The following ADARB2 variants were observed in gnomAD, a reference collection of about 807,000 sequenced individuals.
The protein encoded by ADARB2 is adenosine deaminase RNA specific B2 (inactive).
In ADARB2, 25 loss-of-function variants were observed where a neutral mutation model predicts 62.2. The ratio of observed to expected loss-of-function variants is 0.40; its 90% CI spans 0.29 to 0.56. ADARB2 has a LOEUF of 0.56. ADARB2 is among the 20% of genes least tolerant of loss of function. The probability of loss-of-function intolerance (pLI) is 0.43; values close to 1 mark genes in which losing one functional copy is unlikely to be tolerated. For missense variants in ADARB2, 1,071 were observed against 1,077.4 expected (o/e 0.99, Z 0.08); for synonymous variants, 572 against 500.8 (o/e 1.14, Z -1.90).
At chr10:1,373,183 G>C (rs2131856165) in intron 2 of ADARB2, among the ~76,000 whole-genome samples, 1 of 152,184 alleles carries the variant, frequency 6.6e-6, no homozygotes, top group East Asian at 1.9e-4. Context: ...TGACAAAGCA[G>C]TCTTGAGAAA....
intron 8 of ADARB2, among the ~76,000 whole-genome samples, chr10:1,188,899 C>G (rs1369492146): frequency 6.6e-6 from 1 of 152,262 alleles, no homozygotes; most frequent in Non-Finnish European, 1.5e-5. Context: ...GCTGCTTGCT[C>G]TGAGGAACCA....
chr10:1,636,161 C>T (rs1447880502), intron 1 of ADARB2, among the ~76,000 whole-genome samples: 1 of 151,968 alleles, frequency 6.6e-6, no homozygotes, highest in Admixed American at 6.6e-5. Context: ...GAGGGGGGTG[C>T]AAGACATAAA....
intron 1 of ADARB2, among the ~76,000 whole-genome samples, chr10:1,632,259 C>T (rs992837562): frequency 6.6e-6 from 1 of 152,196 alleles, no homozygotes; most frequent in Non-Finnish European, 1.5e-5. Context: ...ATGCCACATG[C>T]ATGCATACAC....
intron 1 of ADARB2, among the ~76,000 whole-genome samples, chr10:1,504,624 C>T (rs542100237): frequency 3.3e-5 from 5 of 152,312 alleles, no homozygotes; most frequent in African/African-American, 1.2e-4. Flanking sequence ...TGGCTGACTA[C>T]ACGGGTCAGT....
At chr10:1,711,112 G>A (rs997843245) in intron 1 of ADARB2, among the ~76,000 whole-genome samples, 6 of 152,152 alleles carry the variant, frequency 3.9e-5, no homozygotes, top group South Asian at 2.1e-4. Flanking sequence ...CCAGGGACAC[G>A]GGTACCTAAC....
chr10:1,340,729 CAATAACCA>C (rs1832016903), intron 3 of ADARB2, among the ~76,000 whole-genome samples: 16 of 142,188 alleles, frequency 1.1e-4, no homozygotes, highest in African/African-American at 4.1e-4. Flanking sequence ...CCCACAGCGG[CAATAACCA>C]GCATCCACCA....
At chr10:1,432,479 C>T (rs1032911482) in intron 1 of ADARB2, among the ~76,000 whole-genome samples, 4 of 151,144 alleles carry the variant, frequency 2.6e-5, no homozygotes, top group Non-Finnish European at 4.4e-5. Context: ...AGTCTCAGCC[C>T]GTGACTGTGA....
chr10:1,338,686 C>T lies in ADARB2; in HGVS notation c.1077+24342G>A, dbSNP rs542114552. On this transcript the variant is annotated intron_variant, in intron 3 of 9. Coordinates refer to ENST00000381312, the MANE Select transcript of ADARB2 (RefSeq NM_018702.4). Reference sequence around the variant, plus strand: ...ATGGTGGCTCCTACGTGGGCCAGCTCACAGCCCCAGCCTTAGGTCACCCCC... The same window carrying T: ...ATGGTGGCTCCTACGTGGGCCAGCTTACAGCCCCAGCCTTAGGTCACCCCC... 2.8e-5 allele frequency among the ~76,000 whole-genome samples: 4 copies of T among 140,522 alleles called. No homozygotes were observed. In the South Asian group the frequency reaches 1.0e-3, roughly 36 times the overall value. 92.2% of individuals were successfully genotyped at this position (140,522 alleles called of 152,430 possible). A position where few individuals can be genotyped will look rare whatever the true frequency, so the allele number is the denominator to read the frequency against.
intron 1 of ADARB2, among the ~76,000 whole-genome samples, chr10:1,444,553 A>G (rs1050700091): frequency 6.7e-6 from 1 of 148,604 alleles, no homozygotes; most frequent in African/African-American, 2.5e-5. Flanking sequence ...ATCTACATTC[A>G]TCCATCCATC....
intron 1 of ADARB2, among the ~76,000 whole-genome samples, chr10:1,585,989 GC>G (rs1833175696): frequency 1.3e-5 from 2 of 152,262 alleles, no homozygotes; most frequent in South Asian, 4.2e-4. Context: ...AGCCAAGATA[GC>G]GCCACTGCAC....
chr10:1,226,049 A>G (rs1031454890), intron 6 of ADARB2, among the ~76,000 whole-genome samples: 2 of 152,190 alleles, frequency 1.3e-5, no homozygotes, highest in Non-Finnish European at 2.9e-5. Context: ...AGGTACACCA[A>G]TCAGACGTAG....
intron 1 of ADARB2, among the ~76,000 whole-genome samples, chr10:1,500,777 C>G (rs1407564258): frequency 6.6e-6 from 1 of 152,228 alleles, no homozygotes; most frequent in Non-Finnish European, 1.5e-5. Context: ...AGATTCACAA[C>G]AATCATGGGA....
intron 1 of ADARB2, among the ~76,000 whole-genome samples, chr10:1,433,505 C>T (rs921593367): frequency 1.4e-4 from 22 of 152,336 alleles, no homozygotes; most frequent in Non-Finnish European, 2.5e-4. Flanking sequence ...CAAAAGGAAT[C>T]AGTCCGGCTT....
intron 3 of ADARB2, among the ~76,000 whole-genome samples, chr10:1,327,900 G>T (rs200347124): frequency 1.1e-5 from 1 of 89,484 alleles, no homozygotes; most frequent in Non-Finnish European, 2.4e-5. Flanking sequence ...ACAGCTCAGC[G>T]CCTCCTCACA....
At chr10:1,199,781 A>C in intron 8 of ADARB2, 185 bp downstream of exon 8, 2 of 610,064 alleles carry the variant, frequency 3.3e-6, no homozygotes, top group Non-Finnish European at 5.5e-6. Context: ...GCCTATTGCT[A>C]TATGCAGAGA....
intron 1 of ADARB2, among the ~76,000 whole-genome samples, chr10:1,481,726 G>A (rs896880064): frequency 1.4e-4 from 22 of 151,982 alleles, no homozygotes; most frequent in African/African-American, 3.9e-4. Flanking sequence ...GTATGGGGGC[G>A]GGTGCCTGTA....
chr10:1,690,355 T>C (rs1364320498), intron 1 of ADARB2, among the ~76,000 whole-genome samples: 1 of 152,254 alleles, frequency 6.6e-6, no homozygotes, highest in Non-Finnish European at 1.5e-5. Flanking sequence ...AGATATTAAA[T>C]ACAAGTTGTC....
chr10:1,457,283 T>C (rs1831106331), intron 1 of ADARB2, among the ~76,000 whole-genome samples: 1 of 152,216 alleles, frequency 6.6e-6, no homozygotes, highest in African/African-American at 2.4e-5. Flanking sequence ...GCCAGGGCGC[T>C]GGACACGACC....
intron 1 of ADARB2, among the ~76,000 whole-genome samples, chr10:1,404,973 A>C (rs1832695036): frequency 6.6e-6 from 1 of 152,196 alleles, no homozygotes; most frequent in African/African-American, 2.4e-5. Context: ...TTTATGTGCA[A>C]ATTAAATCTC....
Sources: gnomAD v4.1 joint callset for allele counts (sites outside exome capture counted in the v4.1 genomes callset) on GRCh38, gnomAD v4.1.1 for gene constraint, MANE v1.5 for transcripts, NCBI Gene and HGNC (gene_info 2026-07-23, HGNC 2026-07-21) for gene names.